ZNF569: variants seen among roughly 807,000 people sequenced by gnomAD.
ZNF569 encodes the protein DNA-binding protein.
A neutral mutation model predicts 56.3 loss-of-function variants in ZNF569; 38 were observed. The observed-to-expected ratio is 0.68, with a 90% CI of 0.52 to 0.88. The LOEUF is 0.88. Ranked by LOEUF, ZNF569 falls within the 40% of genes least tolerant of loss-of-function variation. ZNF569 has a pLI of 0.00. For missense variants in ZNF569, 666 were observed against 809.2 expected (o/e 0.82, Z 2.15); for synonymous variants, 241 against 262.9 (o/e 0.92, Z 0.81).
rs139833026 is a variant in ZNF569, at chr19:37,413,475, A to G, written c.1183T>C (p.Ser395Pro). The G allele has an allele frequency of 5.6e-6, 9 of 1,613,524 alleles. No homozygotes were observed. The African/African-American group carries it at 9.4e-5, about 17-fold the overall frequency. Residue 395 changes from serine to proline, a missense_variant, in exon 6 of 6, where the codon TCA becomes CCA. Coordinates refer to ENST00000316950, the MANE Select transcript of ZNF569 (RefSeq NM_152484.3). ...CTTCTCATATGTACAGTAAGGGCTGAGCTTTGAGAGAAGGCTTTTCCACAC... is the reference window on the plus strand; with the variant it reads ...CTTCTCATATGTACAGTAAGGGCTGGGCTTTGAGAGAAGGCTTTTCCACAC... ...NECGKAFSQS[S>P]ALTVHMRSHT...
intron 3 of ZNF569, 23 bp downstream of exon 3, chr19:37,444,884 C>A: frequency 1.3e-6 from 2 of 1,596,064 alleles, no homozygotes; most frequent in Non-Finnish European, 1.7e-6. Flanking sequence ...AGGCAAGAAA[C>A]AAATACACTA....
At position 37,464,188 on chromosome 19, in the gene ZNF569, GTATT is replaced by G. The variant is rs926837016; in HGVS notation, c.-44+1121_-44+1124del. Among the ~76,000 whole-genome samples the G allele has an allele frequency of 5.3e-5, 8 of 151,840 alleles. No homozygotes were observed. In the East Asian group the frequency reaches 5.8e-4, roughly 11 times the overall value. ...ATATATAGGTATACCAATTTTAATC[GTATT>G]TATTTATTTATTTTTGAGACGGAGT... On this transcript the variant is annotated intron_variant, in intron 2 of 5. Coordinates refer to ENST00000316950, the MANE Select transcript of ZNF569 (RefSeq NM_152484.3).
At chr19:37,423,761 T>C (rs1416706432) in intron 5 of ZNF569, among the ~76,000 whole-genome samples, 1 of 152,092 alleles carries the variant, frequency 6.6e-6, no homozygotes, top group East Asian at 1.9e-4. Context: ...CAAAGAAATA[T>C]AGATTGGAAA....
chr19:37,452,381 A>G (rs2041609075), intron 2 of ZNF569, among the ~76,000 whole-genome samples: 1 of 152,022 alleles, frequency 6.6e-6, no homozygotes, highest in Non-Finnish European at 1.5e-5. Flanking sequence ...ATATATATTT[A>G]CCTCTATCAA....
chr19:37,417,704 A>T (rs2040957482), intron 5 of ZNF569, among the ~76,000 whole-genome samples: 1 of 152,258 alleles, frequency 6.6e-6, no homozygotes, highest in Admixed American at 6.5e-5. Flanking sequence ...CGGTTTCAAT[A>T]AAAATGTTTG....
At chr19:37,442,094 C>A (rs2041416837) in intron 3 of ZNF569, among the ~76,000 whole-genome samples, 1 of 152,146 alleles carries the variant, frequency 6.6e-6, no homozygotes, top group Non-Finnish European at 1.5e-5. Flanking sequence ...TAGAAACACT[C>A]TGGGCCTCTT....
At chr19:37,419,969 C>T (rs953821406) in intron 5 of ZNF569, among the ~76,000 whole-genome samples, 3 of 100,620 alleles carry the variant, frequency 3.0e-5, no homozygotes, top group Admixed American at 1.2e-4. Context: ...TCTTTTCTTT[C>T]TTTTTTTTTT....
chr19:37,444,298 T>C (rs868593912), intron 3 of ZNF569, among the ~76,000 whole-genome samples: 1 of 152,218 alleles, frequency 6.6e-6, no homozygotes, highest in Middle Eastern at 3.2e-3. Flanking sequence ...TGGAACCCTA[T>C]GATATATACT....
intron 2 of ZNF569, among the ~76,000 whole-genome samples, chr19:37,448,907 C>G (rs1476908380): frequency 6.6e-6 from 1 of 152,028 alleles, no homozygotes; most frequent in African/African-American, 2.4e-5. Context: ...CTTGTTTCCC[C>G]TCTAGTTTGT....
At chr19:37,443,162 C>T (rs1381597076) in intron 3 of ZNF569, among the ~76,000 whole-genome samples, 2 of 152,158 alleles carry the variant, frequency 1.3e-5, no homozygotes, top group Non-Finnish European at 2.9e-5. Context: ...GCCTGGCCAA[C>T]AGGGTGAAAC....
At chr19:37,448,879 T>C (rs1393886938) in intron 2 of ZNF569, among the ~76,000 whole-genome samples, 1 of 152,134 alleles carries the variant, frequency 6.6e-6, no homozygotes, top group East Asian at 1.9e-4. Flanking sequence ...TCCTTTTGTT[T>C]GCTTTGAGTT....
rs2146842823 is a variant in ZNF569 at position 37,411,855 on chromosome 19, G to A, written c.*742C>T. On this transcript the variant is annotated 3_prime_UTR_variant, in exon 6 of 6. Coordinates refer to ENST00000316950, the MANE Select transcript of ZNF569 (RefSeq NM_152484.3). The stretch of plus-strand genomic sequence containing the variant: ...TATGAATGCTCACTATCTTACTACT[G>A]CTTGATTTATTCACTTGGTAATACA... 1 of 152,108 alleles carries A rather than the reference G, an allele frequency of 6.6e-6. No individual in the cohort carries two copies. Among genetic ancestry groups the A allele is most frequent in the South Asian group, 2.1e-4 (1 of 4,828 alleles). 9.4% of individuals were successfully genotyped at this position (152,108 alleles called of 1,614,324 possible). A position where few individuals can be genotyped will look rare whatever the true frequency, so the allele number is the denominator to read the frequency against.
rs551604929 is a variant in ZNF569, at chr19:37,441,536, T to G, written c.15+3371A>C. Among the ~76,000 whole-genome samples, 43 of 152,108 alleles carry G rather than the reference T, an allele frequency of 2.8e-4. No homozygotes were observed. The East Asian group carries it at 8.1e-3, about 29-fold the overall frequency. ...TTAGCCAGGCATGGGGGCACGTGCC[T>G]GTACTCCCAGCTACTTGGGTAGCTG... is the stretch of plus-strand genomic sequence containing the variant. On this transcript the variant is annotated intron_variant, in intron 3 of 5. Coordinates refer to ENST00000316950, the MANE Select transcript of ZNF569 (RefSeq NM_152484.3).
intron 2 of ZNF569, among the ~76,000 whole-genome samples, chr19:37,453,544 T>C (rs1321949904): frequency 6.6e-6 from 1 of 152,236 alleles, no homozygotes; most frequent in African/African-American, 2.4e-5. Context: ...CTTGCTTGCA[T>C]GGTCTCTGAT....
chr19:37,450,398 GAATTT>G (rs903530956), intron 2 of ZNF569, among the ~76,000 whole-genome samples: 8 of 152,158 alleles, frequency 5.3e-5, no homozygotes, highest in Admixed American at 2.0e-4. Flanking sequence ...ATGTTTCTAG[GAATTT>G]AATTTTTTAT....
intron 1 of ZNF569, among the ~76,000 whole-genome samples, chr19:37,466,148 T>C (rs1433354969): frequency 6.6e-6 from 1 of 152,202 alleles, no homozygotes; most frequent in East Asian, 1.9e-4. Context: ...CCTGTAGAAC[T>C]ATGAATGATT....
intron 3 of ZNF569, among the ~76,000 whole-genome samples, chr19:37,433,880 G>T (rs958058202): frequency 4.6e-5 from 7 of 152,146 alleles, no homozygotes; most frequent in Non-Finnish European, 8.8e-5. Context: ...CCTGAAAAAA[G>T]GACGTTAATG....
rs1317365749 is a variant in ZNF569 at position 37,411,832 on chromosome 19, T to C, written c.*765A>G. On this transcript the variant is annotated 3_prime_UTR_variant, in exon 6 of 6. Coordinates refer to ENST00000316950, the MANE Select transcript of ZNF569 (RefSeq NM_152484.3). ...TCCTGTATCTTCTTGGATTTTTGTA[T>C]GAATGCTCACTATCTTACTACTGCT... 1 of 152,196 alleles carries C rather than the reference T, an allele frequency of 6.6e-6. No homozygotes were observed. Among genetic ancestry groups the C allele is most frequent in the Non-Finnish European group, 1.5e-5 (1 of 68,002 alleles). 9.4% of individuals were successfully genotyped at this position (152,196 alleles called of 1,614,324 possible).
intron 2 of ZNF569, among the ~76,000 whole-genome samples, chr19:37,455,479 A>C (rs548632038): frequency 1.3e-5 from 2 of 152,208 alleles, no homozygotes; most frequent in Non-Finnish European, 2.9e-5. Context: ...GATACAGTTA[A>C]AATGCTTACA....
Sources: allele counts gnomAD v4.1 joint callset (sites outside exome capture counted in the v4.1 genomes callset), GRCh38; gene constraint gnomAD v4.1.1; transcripts MANE v1.5; gene names NCBI Gene and HGNC (gene_info 2026-07-23, HGNC 2026-07-21).